PTPRD: variants seen among roughly 807,000 people sequenced by gnomAD.
The protein encoded by PTPRD is protein tyrosine phosphatase receptor type D, also known as receptor-type tyrosine-protein phosphatase delta.
PTPRD carries 34 observed loss-of-function variants against 214.5 expected under a neutral mutation model. That is an observed-to-expected ratio of 0.16 (90% CI 0.12 to 0.21). The LOEUF (loss-of-function observed/expected upper bound fraction) is 0.21. Among genes scored for constraint, PTPRD ranks in the 10% least tolerant of loss-of-function variants. The pLI is 1.00. For synonymous variants in PTPRD, 1,128 were observed against 845.7 expected (o/e 1.33, Z -5.79); for missense variants, 2,545 against 2,398.7 (o/e 1.06, Z -1.27).
At chr9:8,907,529 AAAAAAT>A (rs1481630709) in intron 11 of PTPRD, among the ~76,000 whole-genome samples, 2 of 133,156 alleles carry the variant, frequency 1.5e-5, no homozygotes, top group African/African-American at 5.4e-5. Context: ...AAAAAAAAAA[AAAAAAT>A]ATATATATAT....
At chr9:10,493,238 G>GA (rs1217679535) in intron 2 of PTPRD, among the ~76,000 whole-genome samples, 4 of 151,914 alleles carry the variant, frequency 2.6e-5, no homozygotes, top group Non-Finnish European at 5.9e-5. Context: ...CACAGAATTA[G>GA]AAAAAACTAC....
At chr9:10,206,472 G>A (rs2099480478) in intron 3 of PTPRD, among the ~76,000 whole-genome samples, 1 of 152,170 alleles carries the variant, frequency 6.6e-6, no homozygotes, top group Non-Finnish European at 1.5e-5. Context: ...CCTCATGAGA[G>A]TCAACCCAAT....
chr9:10,027,231 C>A (rs1449899587), intron 4 of PTPRD, among the ~76,000 whole-genome samples: 1 of 152,084 alleles, frequency 6.6e-6, no homozygotes, highest in East Asian at 1.9e-4. Context: ...ACCAAAATTT[C>A]TTCTTCCAGT....
chr9:8,525,839 C>A (rs2073956053), intron 17 of PTPRD, among the ~76,000 whole-genome samples: 1 of 151,930 alleles, frequency 6.6e-6, no homozygotes, highest in South Asian at 2.1e-4. Flanking sequence ...AAATACAAAA[C>A]AAGAATTACA....
intron 9 of PTPRD, among the ~76,000 whole-genome samples, chr9:9,273,020 ACAC>A: frequency 6.6e-6 from 1 of 151,476 alleles, no homozygotes; most frequent in South Asian, 2.1e-4. Context: ...GATAAAAGAA[ACAC>A]CACATGAAAA....
intron 9 of PTPRD, among the ~76,000 whole-genome samples, chr9:9,298,320 T>C (rs751378840): frequency 2.0e-5 from 3 of 151,658 alleles, no homozygotes; most frequent in Non-Finnish European, 3.0e-5. Context: ...CATGAAAAGA[T>C]TTGAATATAT....
intron 3 of PTPRD, among the ~76,000 whole-genome samples, chr9:10,192,935 C>T (rs2099376814): frequency 6.6e-6 from 1 of 152,158 alleles, no homozygotes; most frequent in Non-Finnish European, 1.5e-5. Context: ...TTCCCAAGAG[C>T]TCTATGAATT....
chr9:8,954,186 C>T (rs1394842742), intron 11 of PTPRD, among the ~76,000 whole-genome samples: 1 of 151,916 alleles, frequency 6.6e-6, no homozygotes, highest in East Asian at 1.9e-4. Context: ...AAATCATATT[C>T]TTTGCAGCAA....
At chr9:10,366,789 C>T (rs919380677) in intron 2 of PTPRD, among the ~76,000 whole-genome samples, 1 of 152,110 alleles carries the variant, frequency 6.6e-6, no homozygotes, top group Non-Finnish European at 1.5e-5. Flanking sequence ...ATGCCACATA[C>T]ATACGTGCAC....
chr9:8,929,731 G>GTGTATATATGTGTATATATATA (rs2098932096), intron 11 of PTPRD, among the ~76,000 whole-genome samples: 8 of 112,810 alleles, frequency 7.1e-5, no homozygotes, highest in Admixed American at 6.4e-4. Flanking sequence ...ATATATATAT[G>GTGTATATATGTGTATATATATA]TGTATATATA....
intron 10 of PTPRD, among the ~76,000 whole-genome samples, chr9:9,148,771 G>T (rs2099872925): frequency 6.6e-6 from 1 of 152,074 alleles, no homozygotes. Flanking sequence ...ATGTACCATT[G>T]CATTCTCATT....
At chr9:9,371,445 G>A (rs1018258570) in intron 9 of PTPRD, among the ~76,000 whole-genome samples, 24 of 152,248 alleles carry the variant, frequency 1.6e-4, no homozygotes, top group East Asian at 5.8e-4. Context: ...ATTTCTGTGG[G>A]ATCGGTGGTA....
At chr9:9,067,116 G>A (rs2099735864) in intron 10 of PTPRD, among the ~76,000 whole-genome samples, 1 of 152,172 alleles carries the variant, frequency 6.6e-6, no homozygotes, top group Non-Finnish European at 1.5e-5. Context: ...GGTGGCACAT[G>A]ACTGTAATTC....
chr9:10,017,769 T>C (rs375785768), intron 4 of PTPRD, among the ~76,000 whole-genome samples: 2 of 152,146 alleles, frequency 1.3e-5, no homozygotes, highest in South Asian at 4.1e-4. Context: ...TTTCTTATTA[T>C]ATTTATTTAA....
At chr9:10,295,118 G>T (rs1456252115) in intron 3 of PTPRD, among the ~76,000 whole-genome samples, 1 of 152,002 alleles carries the variant, frequency 6.6e-6, no homozygotes, top group Non-Finnish European at 1.5e-5. Flanking sequence ...AAAGGATATT[G>T]TATACATGGA....
chr9:8,444,465 T>C (rs994276182), intron 34 of PTPRD, among the ~76,000 whole-genome samples: 3 of 152,086 alleles, frequency 2.0e-5, no homozygotes, highest in Admixed American at 2.0e-4. Flanking sequence ...AAACTCTATA[T>C]GGCAGATATT....
At chr9:9,539,000 T>C (rs969182246) in intron 8 of PTPRD, among the ~76,000 whole-genome samples, 7 of 151,868 alleles carry the variant, frequency 4.6e-5, no homozygotes, top group African/African-American at 1.7e-4. Context: ...AAGACAGCCA[T>C]GTTCCTGTTA....
At chr9:10,192,313 CTGCTG>C (rs1189566058) in intron 3 of PTPRD, among the ~76,000 whole-genome samples, 1 of 151,886 alleles carries the variant, frequency 6.6e-6, no homozygotes, top group Admixed American at 6.6e-5. Context: ...TTTCATATGG[CTGCTG>C]TAAGAAAATT....
intron 39 of PTPRD, among the ~76,000 whole-genome samples, chr9:8,365,516 GCCT>G (rs2134085219): frequency 6.6e-6 from 1 of 152,218 alleles, no homozygotes; most frequent in Non-Finnish European, 1.5e-5. Flanking sequence ...CTCTCATCGA[GCCT>G]GGGGAGGGAA....
Sources: allele counts gnomAD v4.1 joint callset (sites outside exome capture counted in the v4.1 genomes callset), GRCh38; gene constraint gnomAD v4.1.1; transcripts MANE v1.5; gene names NCBI Gene and HGNC (gene_info 2026-07-23, HGNC 2026-07-21).